Variants in PPA1 observed in about 807,000 individuals in gnomAD.
PPA1 encodes the protein inorganic pyrophosphatase 1, also known as inorganic pyrophosphatase.
PPA1 carries 23 observed loss-of-function variants against 41.8 expected under a neutral mutation model. The observed-to-expected ratio is 0.55, with a 90% CI of 0.40 to 0.78. PPA1 has a LOEUF of 0.78. PPA1 is among the 30% of genes least tolerant of loss of function. The probability of loss-of-function intolerance (pLI) is 0.00; values close to 1 mark genes in which losing one functional copy is unlikely to be tolerated. For missense variants in PPA1, 320 were observed against 361.6 expected (o/e 0.89, Z 0.93); for synonymous variants, 101 against 116.8 (o/e 0.86, Z 0.87).
intron 3 of PPA1, 88 bp downstream of exon 3, chr10:70,218,676 G>C: frequency 9.5e-7 from 1 of 1,048,822 alleles, no homozygotes; most frequent in Non-Finnish European, 1.4e-6. Flanking sequence ...AAACCTTGAC[G>C]TTCAGATGGT....
At chr10:70,221,076 A>ATATTTT (rs1224550178) in intron 2 of PPA1, among the ~76,000 whole-genome samples, 6 of 40,026 alleles carry the variant, frequency 1.5e-4, no homozygotes, top group East Asian at 1.4e-3. Flanking sequence ...ATATATATAT[A>ATATTTT]TTTTTTTTTT....
At chr10:70,219,805 C>A (rs773667596) in intron 2 of PPA1, among the ~76,000 whole-genome samples, 6 of 152,164 alleles carry the variant, frequency 3.9e-5, no homozygotes, top group Non-Finnish European at 7.3e-5. Flanking sequence ...CCATTTTGCA[C>A]ACTGGAGTTA....
At chr10:70,214,115 C>T (rs1163051038) in intron 5 of PPA1, among the ~76,000 whole-genome samples, 1 of 152,198 alleles carries the variant, frequency 6.6e-6, no homozygotes, top group South Asian at 2.1e-4. Flanking sequence ...GGATCTCCAA[C>T]TCATGAGGTT....
chr10:70,210,380 A>T, intron 6 of PPA1: 1 of 1,365,508 alleles, frequency 7.3e-7, no homozygotes, highest in South Asian at 1.1e-5. Flanking sequence ...CCTGGTCCAG[A>T]GGCAGAGGCT....
chr10:70,222,566 G>C (rs544436156), intron 2 of PPA1, among the ~76,000 whole-genome samples: 22 of 152,196 alleles, frequency 1.4e-4, no homozygotes, highest in South Asian at 1.2e-3. Flanking sequence ...TGGTAGCATT[G>C]GTGGTTCAGG....
chr10:70,231,057 G>C (rs1247236812), intron 1 of PPA1, among the ~76,000 whole-genome samples: 5 of 152,212 alleles, frequency 3.3e-5, no homozygotes, highest in Non-Finnish European at 7.3e-5. Flanking sequence ...GTTGCTAAAA[G>C]TGGTGTTCCC....
At chr10:70,221,080 T>TATATATATATATA (rs1840161942) in intron 2 of PPA1, among the ~76,000 whole-genome samples, 1 of 13,026 alleles carries the variant, frequency 7.7e-5, no homozygotes, top group African/African-American at 3.2e-4. Context: ...ATATATATTT[T>TATATATATATATA]TTTTTTTTTT....
At chr10:70,220,444 A>ATGTG (rs150893453) in intron 2 of PPA1, among the ~76,000 whole-genome samples, 5 of 129,268 alleles carry the variant, frequency 3.9e-5, no homozygotes, top group Non-Finnish European at 7.8e-5. Flanking sequence ...ATATGTATAT[A>ATGTG]TGTGTGTGTG....
At chr10:70,206,882 G>C (rs1564580256) in intron 8 of PPA1, among the ~76,000 whole-genome samples, 2 of 84,150 alleles carry the variant, frequency 2.4e-5, no homozygotes, top group African/African-American at 1.1e-4. Context: ...GAGGGGAGGG[G>C]AGGGGAGGGG....
intron 2 of PPA1, among the ~76,000 whole-genome samples, chr10:70,222,566 G>A (rs544436156): frequency 6.6e-6 from 1 of 152,078 alleles, no homozygotes; most frequent in African/African-American, 2.4e-5. Flanking sequence ...TGGTAGCATT[G>A]GTGGTTCAGG....
intron 6 of PPA1, chr10:70,210,321 C>T (rs1840002523): frequency 7.6e-7 from 1 of 1,313,610 alleles, no homozygotes. Context: ...AAGCAATCCT[C>T]CTGCCTTGGC....
rs150834948 is a variant in PPA1, at chr10:70,228,556, A to G, written c.123+1785T>C. Among the ~76,000 whole-genome samples, 569 of 152,322 alleles carry G rather than the reference A, an allele frequency of 3.7e-3. 6 individuals carry two copies. Among genetic ancestry groups the G allele is most frequent in the African/African-American group, 0.013 (547 of 41,568 alleles). On this transcript the variant is annotated intron_variant, in intron 2 of 10. Coordinates refer to ENST00000373232, the MANE Select transcript of PPA1 (RefSeq NM_021129.4). ...CAAGCAGATAATTCAAGCCAACCCA[A>G]TGGGGCCAATTGAAGAGGGAAGGAT... is the stretch of plus-strand genomic sequence containing the variant.
intron 8 of PPA1, among the ~76,000 whole-genome samples, chr10:70,208,057 G>A (rs1190982676): frequency 6.6e-6 from 1 of 151,596 alleles, no homozygotes; most frequent in African/African-American, 2.4e-5. Flanking sequence ...GGGCGTGGTG[G>A]CATGCGCCTG....
At position 70,208,794 on chromosome 10, in the gene PPA1, CTTTTT is replaced by C. The variant is rs141989298; in HGVS notation, c.725+406_725+410del. ...TTGTACATTGGCTGTTTCTCGTACTCTTTTTTTTTTTTTTTTGAGACCGAGTCTCG... is the reference window on the plus strand; with the variant it reads ...TTGTACATTGGCTGTTTCTCGTACTCTTTTTTTTTTTGAGACCGAGTCTCG... On this transcript the variant is annotated intron_variant, in intron 8 of 10. Transcript: ENST00000373232. 2.4e-5 allele frequency among the ~76,000 whole-genome samples: 3 copies of C among 126,626 alleles called. No individual in the cohort carries two copies. The East Asian group carries it at 6.7e-4, about 28-fold the overall frequency. 83.1% of individuals were successfully genotyped at this position (126,626 alleles called of 152,430 possible).
intron 2 of PPA1, among the ~76,000 whole-genome samples, chr10:70,222,267 C>T (rs55879888): frequency 0.33 from 46,946 of 140,274 alleles, 8,777 homozygotes; most frequent in East Asian, 0.59. Flanking sequence ...ACCTGGGAGG[C>T]GGAGGTTGCA....
chr10:70,215,080 A>G (rs1365335579), intron 4 of PPA1, among the ~76,000 whole-genome samples: 1 of 152,208 alleles, frequency 6.6e-6, no homozygotes, highest in Non-Finnish European at 1.5e-5. Flanking sequence ...CTGTAATCCC[A>G]GCTACTTGGG....
chr10:70,230,799 A>G (rs1181584092), intron 1 of PPA1, among the ~76,000 whole-genome samples: 1 of 152,148 alleles, frequency 6.6e-6, no homozygotes. Context: ...AAACCAAGAT[A>G]TTATTCTTAC....
intron 8 of PPA1, among the ~76,000 whole-genome samples, chr10:70,208,527 C>T (rs1223396030): frequency 2.0e-5 from 3 of 151,846 alleles, no homozygotes; most frequent in South Asian, 4.2e-4. Context: ...TGAGGTCTCA[C>T]TATGTTGCCC....
intron 1 of PPA1, among the ~76,000 whole-genome samples, chr10:70,231,343 G>A (rs1203555642): frequency 2.6e-5 from 4 of 152,182 alleles, no homozygotes; most frequent in Non-Finnish European, 5.9e-5. Context: ...AAAGCAGGTG[G>A]ATCACTGGAG....
Sources: allele counts gnomAD v4.1 joint callset (sites outside exome capture counted in the v4.1 genomes callset), GRCh38; gene constraint gnomAD v4.1.1; transcripts MANE v1.5; gene names NCBI Gene and HGNC (gene_info 2026-07-23, HGNC 2026-07-21).